Variants in PARP11 observed in about 807,000 individuals in gnomAD.
PARP11 encodes the protein protein mono-ADP-ribosyltransferase PARP11.
Under a neutral mutation model 42.9 loss-of-function variants are expected in PARP11, and 31 were observed. That is an observed-to-expected ratio of 0.72 (90% CI 0.54 to 0.98). PARP11 has a LOEUF of 0.98. Among genes scored for constraint, PARP11 ranks in the 50% least tolerant of loss-of-function variants. The pLI is 0.00. For synonymous variants in PARP11, 137 were observed against 127.3 expected, an observed-to-expected ratio of 1.08 and a Z score of -0.51; for missense variants, 365 against 413.1, an observed-to-expected ratio of 0.88 and a Z score of 1.01.
chr12:3,856,461 G>T (rs924014784), intron 1 of PARP11, among the ~76,000 whole-genome samples: 2 of 152,130 alleles, frequency 1.3e-5, no homozygotes, highest in Non-Finnish European at 2.9e-5. Flanking sequence ...GTGGGCAAAG[G>T]ATATGAATAG....
At chr12:3,844,061 G>C (rs1384171031) in intron 1 of PARP11, among the ~76,000 whole-genome samples, 1 of 152,296 alleles carries the variant, frequency 6.6e-6, no homozygotes, top group South Asian at 2.1e-4. Flanking sequence ...GGAATGTTTG[G>C]ATGCCAGCTG....
chr12:3,864,301 T>C (rs1948352900), intron 1 of PARP11, among the ~76,000 whole-genome samples: 1 of 152,226 alleles, frequency 6.6e-6, no homozygotes, highest in South Asian at 2.1e-4. Context: ...CATGATGTAT[T>C]AATCCTTTTA....
At chr12:3,857,320 T>A (rs1264841186) in intron 1 of PARP11, among the ~76,000 whole-genome samples, 1 of 152,010 alleles carries the variant, frequency 6.6e-6, no homozygotes, top group South Asian at 2.1e-4. Context: ...TTTAAAGACA[T>A]GTAGGGATAA....
chr12:3,812,105 C>T lies in PARP11; in HGVS notation c.*18G>A, dbSNP rs372123433. 4.4e-5 allele frequency: 69 copies of T among 1,564,724 alleles called. No homozygotes were observed. The Middle Eastern group carries it at 8.6e-4, about 19-fold the overall frequency. Reference sequence around the variant, plus strand: ...AAAAGAATAAAGCTTCCTTGACCACCGAGATTTGGAAGTGAAATCAATGAA... The same window carrying T: ...AAAAGAATAAAGCTTCCTTGACCACTGAGATTTGGAAGTGAAATCAATGAA... On this transcript the variant is annotated 3_prime_UTR_variant, in exon 8 of 8. Transcript: ENST00000228820.
intron 7 of PARP11, among the ~76,000 whole-genome samples, chr12:3,812,688 C>T (rs1947206676): frequency 6.6e-6 from 1 of 152,074 alleles, no homozygotes; most frequent in African/African-American, 2.4e-5. Context: ...TCCCCTGCCC[C>T]CACCAAAATA....
At chr12:3,836,547 G>A (rs986327623) in intron 1 of PARP11, among the ~76,000 whole-genome samples, 1 of 152,134 alleles carries the variant, frequency 6.6e-6, no homozygotes, top group African/African-American at 2.4e-5. Flanking sequence ...AGAAAAGAGC[G>A]CTGGTAAAAG....
At chr12:3,825,241 T>C (rs981788710) in intron 4 of PARP11, among the ~76,000 whole-genome samples, 5 of 152,178 alleles carry the variant, frequency 3.3e-5, no homozygotes, top group Non-Finnish European at 5.9e-5. Flanking sequence ...TTCACATGAA[T>C]AATAAATATG....
chr12:3,853,277 C>T (rs1195705603), intron 1 of PARP11, among the ~76,000 whole-genome samples: 1 of 152,172 alleles, frequency 6.6e-6, no homozygotes, highest in Non-Finnish European at 1.5e-5. Flanking sequence ...CCGATTCACA[C>T]ATAACAATAT....
intron 1 of PARP11, among the ~76,000 whole-genome samples, chr12:3,848,998 G>T (rs1380269768): frequency 6.6e-6 from 1 of 151,288 alleles, no homozygotes; most frequent in East Asian, 1.9e-4. Context: ...TTAAAAATGG[G>T]CAAAAGACCT....
chr12:3,844,322 T>C (rs916710828), intron 1 of PARP11, among the ~76,000 whole-genome samples: 2 of 152,244 alleles, frequency 1.3e-5, no homozygotes, highest in Non-Finnish European at 2.9e-5. Context: ...TGTCACCTTC[T>C]AAACTAGAAT....
At chr12:3,854,382 C>A (rs898777251) in intron 1 of PARP11, among the ~76,000 whole-genome samples, 1 of 152,090 alleles carries the variant, frequency 6.6e-6, no homozygotes, top group African/African-American at 2.4e-5. Context: ...AATTGATAGA[C>A]CGCTAGCAAG....
chr12:3,872,353 C>T (rs1054065531), intron 1 of PARP11, among the ~76,000 whole-genome samples: 6 of 152,154 alleles, frequency 3.9e-5, no homozygotes, highest in Non-Finnish European at 8.8e-5. Context: ...CTGCTTTTAC[C>T]TTGTTAACCT....
chr12:3,836,162 T>C (rs1323389367), intron 1 of PARP11, among the ~76,000 whole-genome samples: 5 of 151,140 alleles, frequency 3.3e-5, no homozygotes, highest in African/African-American at 4.9e-5. Context: ...CACATCAAAG[T>C]CAAAATTTCG....
At chr12:3,845,155 G>A (rs947470294) in intron 1 of PARP11, among the ~76,000 whole-genome samples, 1 of 152,096 alleles carries the variant, frequency 6.6e-6, no homozygotes, top group Non-Finnish European at 1.5e-5. Context: ...TTTCCCTTTG[G>A]TGTTGTGTAT....
At chr12:3,836,864 G>T (rs182683625) in intron 1 of PARP11, among the ~76,000 whole-genome samples, 20 of 152,280 alleles carry the variant, frequency 1.3e-4, no homozygotes, top group South Asian at 4.1e-4. Context: ...CCAGCATCAA[G>T]CATACAGAAA....
chr12:3,821,868 C>T lies in PARP11; in HGVS notation c.548+5G>A. 6.2e-7 allele frequency: 1 copy of T among 1,603,222 alleles called. No individual in the cohort carries two copies. On this transcript the variant is annotated splice_donor_5th_base_variant and intron_variant, in intron 6 of 7. Transcript: ENST00000228820. ...GGAGAAGTTTCAGATTAGAAATCAT[C>T]TCACCTGCAAAAGAACTCCCACAAA...
intron 6 of PARP11, among the ~76,000 whole-genome samples, chr12:3,817,962 G>C (rs1194325362): frequency 6.6e-6 from 1 of 152,178 alleles, no homozygotes; most frequent in Admixed American, 6.5e-5. Context: ...CTAGCTTTGA[G>C]AATCTCTGAT....
At chr12:3,872,650 C>G (rs535947476) in intron 1 of PARP11, 2 of 985,346 alleles carry the variant, frequency 2.0e-6, no homozygotes, top group South Asian at 9.4e-5. Flanking sequence ...AAAAGGAGAA[C>G]TGATGGCTCC....
intron 7 of PARP11, 98 bp downstream of exon 7, chr12:3,813,939 T>C: frequency 7.7e-6 from 6 of 780,174 alleles, no homozygotes; most frequent in Non-Finnish European, 1.2e-5. Flanking sequence ...ATTCTCTATA[T>C]ATTTGCCATA....
Sources: allele counts gnomAD v4.1 joint callset (sites outside exome capture counted in the v4.1 genomes callset), GRCh38; gene constraint gnomAD v4.1.1; transcripts MANE v1.5; gene names NCBI Gene and HGNC (gene_info 2026-07-23, HGNC 2026-07-21).